Variants in CPLX2 observed in about 807,000 individuals in gnomAD.
CPLX2 encodes the protein complexin-2.
A neutral mutation model predicts 16.3 loss-of-function variants in CPLX2; 5 were observed. The observed-to-expected ratio is 0.31, with a 90% CI of 0.16 to 0.64. CPLX2 has a LOEUF of 0.64. CPLX2 is among the 30% of genes least tolerant of loss of function. CPLX2 has a pLI of 0.79. For synonymous variants in CPLX2, 89 were observed against 73.2 expected (o/e 1.22, Z -1.10); for missense variants, 144 against 181.4 (o/e 0.79, Z 1.18).
intron 2 of CPLX2, among the ~76,000 whole-genome samples, chr5:175,812,253 C>T (rs1758325233): frequency 6.6e-6 from 1 of 152,206 alleles, no homozygotes; most frequent in African/African-American, 2.4e-5. Context: ...CCAGCCCCAT[C>T]CCAGGCCCTG....
chr5:175,859,298 G>C (rs1759319517), intron 2 of CPLX2, among the ~76,000 whole-genome samples: 1 of 152,242 alleles, frequency 6.6e-6, no homozygotes, highest in Non-Finnish European at 1.5e-5. Flanking sequence ...GGGAAGGCCT[G>C]TGGGACCAAG....
intron 2 of CPLX2, among the ~76,000 whole-genome samples, chr5:175,862,237 C>T (rs1161225457): frequency 6.6e-6 from 1 of 152,192 alleles, no homozygotes; most frequent in Non-Finnish European, 1.5e-5. Context: ...TTCAGTGAGT[C>T]CCATCCTCCA....
At chr5:175,813,924 T>C (rs946144989) in intron 2 of CPLX2, among the ~76,000 whole-genome samples, 7 of 152,252 alleles carry the variant, frequency 4.6e-5, no homozygotes, top group Non-Finnish European at 8.8e-5. Flanking sequence ...TTTCCATTTA[T>C]TTGTTTTTAA....
intron 2 of CPLX2, among the ~76,000 whole-genome samples, chr5:175,832,019 C>G (rs1242777666): frequency 6.6e-6 from 1 of 152,234 alleles, no homozygotes; most frequent in Non-Finnish European, 1.5e-5. Flanking sequence ...ACTCTGCTGG[C>G]TCTGCCCTCC....
Position 175,881,868 on chromosome 5 carries a change from T to G in CPLX2, c.*1823T>G, listed in dbSNP as rs571111554. The G allele has an allele frequency of 6.5e-6, 1 of 152,788 alleles. No individual in the cohort carries two copies. The highest frequency in any genetic ancestry group is 3.4e-3 in the Middle Eastern group (1 of 294). The allele number at this position is 152,788 out of a possible 1,614,324, so 9.5% of individuals were successfully genotyped here. On this transcript the variant is annotated 3_prime_UTR_variant, in exon 4 of 4. Coordinates refer to ENST00000393745, the MANE Select transcript of CPLX2 (RefSeq NM_001008220.2). ...GACTTGCCTGCCCCTGAAGCCCTTG[T>G]TCCCATTGGCCCCAGTTTGCATTCT...
At chr5:175,839,638 T>TA (rs1758912301) in intron 2 of CPLX2, among the ~76,000 whole-genome samples, 1 of 152,220 alleles carries the variant, frequency 6.6e-6, no homozygotes, top group South Asian at 2.1e-4. Flanking sequence ...CTGTGATCTT[T>TA]AAAAGGTGTA....
At chr5:175,852,662 G>A (rs1429554523) in intron 2 of CPLX2, among the ~76,000 whole-genome samples, 1 of 152,246 alleles carries the variant, frequency 6.6e-6, no homozygotes, top group Non-Finnish European at 1.5e-5. Flanking sequence ...TTGGCTACAA[G>A]TAACGCAGGT....
intron 2 of CPLX2, among the ~76,000 whole-genome samples, chr5:175,847,195 CGA>C (rs1759058562): frequency 6.6e-6 from 1 of 152,126 alleles, no homozygotes; most frequent in South Asian, 2.1e-4. Context: ...TGCTGTGAGG[CGA>C]GGAGTATTTT....
intron 2 of CPLX2, among the ~76,000 whole-genome samples, chr5:175,818,553 T>C (rs1335018242): frequency 1.3e-5 from 2 of 150,482 alleles, no homozygotes; most frequent in African/African-American, 4.9e-5. Context: ...CCACGTAACC[T>C]TCCCCAGCTC....
intron 2 of CPLX2, among the ~76,000 whole-genome samples, chr5:175,826,408 G>C (rs1275702381): frequency 3.9e-5 from 6 of 152,114 alleles, no homozygotes; most frequent in African/African-American, 1.4e-4. Flanking sequence ...TATTCCCAGT[G>C]CGAAAGGACT....
At chr5:175,814,313 C>T (rs935999541) in intron 2 of CPLX2, among the ~76,000 whole-genome samples, 7 of 152,210 alleles carry the variant, frequency 4.6e-5, no homozygotes, top group African/African-American at 1.7e-4. Context: ...CCTGCCTGAG[C>T]CGGGAGTGCA....
At position 175,874,585 on chromosome 5, in the gene CPLX2, G is replaced by C. The variant is rs146542092; in HGVS notation, c.-89+2880G>C. ...TCTAGAGTTTTCAGTTGAGGTGATTGGGACAAGGCATACTAGAGAAAAAGA... is the reference window on the plus strand; with the variant it reads ...TCTAGAGTTTTCAGTTGAGGTGATTCGGACAAGGCATACTAGAGAAAAAGA... On this transcript the variant is annotated intron_variant, in intron 1 of 3. Coordinates refer to ENST00000393745, the MANE Select transcript of CPLX2 (RefSeq NM_001008220.2). Among the ~76,000 whole-genome samples, 924 of 152,236 alleles carry C rather than the reference G, an allele frequency of 6.1e-3. 16 individuals are homozygous for C. Among genetic ancestry groups the C allele is most frequent in the African/African-American group, 0.021 (871 of 41,514 alleles).
At chr5:175,807,636 C>G (rs1425734145) in intron 1 of CPLX2, among the ~76,000 whole-genome samples, 1 of 152,210 alleles carries the variant, frequency 6.6e-6, no homozygotes, top group African/African-American at 2.4e-5. Flanking sequence ...GCCCTTTTCA[C>G]TGCAGTTGTC....
At chr5:175,861,223 CA>C (rs112716775) in intron 2 of CPLX2, among the ~76,000 whole-genome samples, 1 of 152,130 alleles carries the variant, frequency 6.6e-6, no homozygotes, top group African/African-American at 2.4e-5. Context: ...CATCCACAAT[CA>C]AAAAAGCCTT....
At chr5:175,804,830 T>TA (rs1354700745) in intron 1 of CPLX2, among the ~76,000 whole-genome samples, 4 of 152,212 alleles carry the variant, frequency 2.6e-5, no homozygotes, top group Non-Finnish European at 4.4e-5. Context: ...CCAACCCTGT[T>TA]AGATTCTGAC....
At chr5:175,850,147 T>A (rs1415334363) in intron 2 of CPLX2, among the ~76,000 whole-genome samples, 2 of 70,534 alleles carry the variant, frequency 2.8e-5, no homozygotes, top group African/African-American at 3.6e-5. Context: ...AGTGACAGTT[T>A]TTTTGTTTTT....
At chr5:175,850,126 T>C (rs1759120831) in intron 2 of CPLX2, among the ~76,000 whole-genome samples, 1 of 150,820 alleles carries the variant, frequency 6.6e-6, no homozygotes, top group Admixed American at 6.6e-5. Context: ...ATCAAAATAC[T>C]GGAGTTTGCA....
intron 1 of CPLX2, among the ~76,000 whole-genome samples, chr5:175,796,950 G>A (rs919469358): frequency 2.6e-5 from 4 of 152,020 alleles, no homozygotes; most frequent in Admixed American, 6.5e-5. Flanking sequence ...GGCTCTTCCG[G>A]GGCGAGGCAG....
rs778586832 is a variant in CPLX2, at chr5:175,882,525, G to A, written c.*2480G>A. 1 of 152,838 alleles carries A rather than the reference G, an allele frequency of 6.5e-6. No individual in the cohort carries two copies. The highest frequency in any genetic ancestry group is 2.4e-5 in the African/African-American group (1 of 41,458). The allele number at this position is 152,838 out of a possible 1,614,324, so 9.5% of individuals were successfully genotyped here. ...ACCAGATACCCCAGGTGGGCCGGAGGGACCCCAGACCTTCAGAGGGCTGCC... is the reference window on the plus strand; with the variant it reads ...ACCAGATACCCCAGGTGGGCCGGAGAGACCCCAGACCTTCAGAGGGCTGCC... On this transcript the variant is annotated 3_prime_UTR_variant, in exon 4 of 4. Transcript: ENST00000393745.
Sources: gnomAD v4.1 joint callset for allele counts (sites outside exome capture counted in the v4.1 genomes callset) on GRCh38, gnomAD v4.1.1 for gene constraint, MANE v1.5 for transcripts, NCBI Gene and HGNC (gene_info 2026-07-23, HGNC 2026-07-21) for gene names.